VAV3: variants seen among roughly 807,000 people sequenced by gnomAD.
VAV3 encodes guanine nucleotide exchange factor VAV3.
In VAV3, 94 loss-of-function variants were observed where a neutral mutation model predicts 131.2. The ratio of observed to expected loss-of-function variants is 0.72; its 90% CI spans 0.61 to 0.85. VAV3 has a LOEUF of 0.85. VAV3 is among the 40% of genes least tolerant of loss of function. VAV3 has a pLI of 0.00. For missense variants in VAV3, 939 were observed against 1,002.7 expected (o/e 0.94, Z 0.86); for synonymous variants, 349 against 342.0 (o/e 1.02, Z -0.22).
chr1:107,720,540 G>T (rs7523636), intron 15 of VAV3, among the ~76,000 whole-genome samples: 135,648 of 150,980 alleles, frequency 0.9, 61,343 homozygotes, highest in East Asian at 1. Context: ...TAGCCAGGTG[G>T]GGTGGCGCAT....
At chr1:107,649,906 G>C (rs1457001994) in intron 19 of VAV3, among the ~76,000 whole-genome samples, 1 of 151,992 alleles carries the variant, frequency 6.6e-6, no homozygotes, top group African/African-American at 2.4e-5. Flanking sequence ...AAAAGCAAGT[G>C]AATCAATGTA....
intron 19 of VAV3, among the ~76,000 whole-genome samples, chr1:107,662,154 T>G (rs748470919): frequency 2.6e-5 from 4 of 152,182 alleles, no homozygotes; most frequent in Non-Finnish European, 5.9e-5. Flanking sequence ...TTGCTATGAT[T>G]TTTTCAGCAT....
chr1:107,821,458 C>T (rs189418249), intron 2 of VAV3, among the ~76,000 whole-genome samples: 74 of 152,302 alleles, frequency 4.9e-4, no homozygotes, highest in African/African-American at 1.7e-3. Context: ...TCTCTAAAAA[C>T]GTGTCATTTA....
chr1:107,768,502 A>G lies in VAV3; in HGVS notation c.656T>C (p.Met219Thr). The change falls in exon 7 of 27, where the codon ATG (methionine) becomes ACG (threonine). Residue 219 changes from methionine (M) to threonine (T), a missense_variant. Transcript: ENST00000370056. The stretch of plus-strand genomic sequence containing the variant: ...TGTCAGAAATCTTTTTAGTGGTGCC[A>G]TGAAATACTACCAGGAAAGAAGAAG... ...ETLESIEKYF[M>T]APLKRFLTAA... The G allele has an allele frequency of 6.2e-7, 1 of 1,611,882 alleles. No individual in the cohort carries two copies. Among genetic ancestry groups the G allele is most frequent in the Non-Finnish European group, 8.5e-7 (1 of 1,178,666 alleles).
chr1:107,635,113 T>C (rs1307502777), intron 20 of VAV3, among the ~76,000 whole-genome samples: 1 of 152,106 alleles, frequency 6.6e-6, no homozygotes, highest in Non-Finnish European at 1.5e-5. Context: ...AGCAATCCCA[T>C]TACTGGGTAT....
intron 18 of VAV3, among the ~76,000 whole-genome samples, chr1:107,686,317 T>C (rs781059989): frequency 5.9e-5 from 9 of 151,666 alleles, no homozygotes; most frequent in Non-Finnish European, 1.3e-4. Flanking sequence ...AAGTGCAAAA[T>C]TTAAAAAAAA....
In VAV3 at chr1:107,603,116, T is replaced by C. The variant is rs1249049106; in HGVS notation, c.2063A>G (p.Asn688Ser). The change falls in exon 23 of 27, where the codon AAT becomes AGT. Residue 688 changes from asparagine (N) to serine (S), a missense_variant. Coordinates refer to ENST00000370056, the MANE Select transcript of VAV3 (RefSeq NM_006113.5). Reference protein sequence around the residue: ...ERLQAETELINRVNSTYLVRH... With the variant: ...ERLQAETELISRVNSTYLVRH... The stretch of plus-strand genomic sequence containing the variant: ...CACAAGGTAAGTACTATTTACCCTA[T>C]TAATAAGTTCGGTCTCTGCTTGCAA... 10 of 1,613,676 alleles carry C rather than the reference T, an allele frequency of 6.2e-6. No individual in the cohort carries two copies. Among genetic ancestry groups the C allele is most frequent in the Non-Finnish European group, 8.5e-6 (10 of 1,179,786 alleles).
At chr1:107,631,634 C>CA (rs1214308052) in intron 20 of VAV3, among the ~76,000 whole-genome samples, 1 of 112,774 alleles carries the variant, frequency 8.9e-6, no homozygotes, top group African/African-American at 3.4e-5. Context: ...CCCCTCCCCC[C>CA]ACCCCACAAC....
chr1:107,697,370 AAAG>A (rs1346121418), intron 17 of VAV3, among the ~76,000 whole-genome samples: 3 of 152,230 alleles, frequency 2.0e-5, no homozygotes, highest in African/African-American at 4.8e-5. Flanking sequence ...AAAGAACTTA[AAAG>A]AAGGAGAGAG....
intron 21 of VAV3, among the ~76,000 whole-genome samples, chr1:107,617,282 A>AATGCGT (rs1653229654): frequency 6.6e-6 from 1 of 152,166 alleles, no homozygotes; most frequent in Non-Finnish European, 1.5e-5. Flanking sequence ...AAACCTGTAC[A>AATGCGT]ATGCGTCTAA....
At chr1:107,856,829 G>C (rs958932053) in intron 2 of VAV3, among the ~76,000 whole-genome samples, 13 of 152,164 alleles carry the variant, frequency 8.5e-5, no homozygotes, top group Admixed American at 2.6e-4. Context: ...TTGAGCACAG[G>C]AGTTCAAGAC....
At chr1:107,593,392 T>C (rs1401100512) in intron 25 of VAV3, among the ~76,000 whole-genome samples, 1 of 152,010 alleles carries the variant, frequency 6.6e-6, no homozygotes, top group Non-Finnish European at 1.5e-5. Context: ...ATAATAACAA[T>C]AATAAACAGC....
intron 2 of VAV3, among the ~76,000 whole-genome samples, chr1:107,803,363 T>C (rs1666916714): frequency 6.6e-6 from 1 of 152,050 alleles, no homozygotes; most frequent in African/African-American, 2.4e-5. Flanking sequence ...GAAGTCTTTA[T>C]ATTTTTTGAT....
At chr1:107,595,438 AAAG>A (rs1173838438) in intron 25 of VAV3, among the ~76,000 whole-genome samples, 2 of 152,094 alleles carry the variant, frequency 1.3e-5, no homozygotes, top group Admixed American at 1.3e-4. Flanking sequence ...TGCTTAGGCT[AAAG>A]ATTCTAAGAG....
intron 12 of VAV3, among the ~76,000 whole-genome samples, chr1:107,753,459 T>C (rs1156798416): frequency 6.7e-6 from 1 of 148,348 alleles, no homozygotes; most frequent in Non-Finnish European, 1.5e-5. Flanking sequence ...ATAGCATTAA[T>C]GTGTGTGTGT....
rs116301802 is a variant in VAV3 at position 107,932,318 on chromosome 1, C to T, written c.204+32348G>A. Among the ~76,000 whole-genome samples, 1,513 of 152,242 alleles carry T rather than the reference C, an allele frequency of 9.9e-3. 27 individuals are homozygous for T. Among genetic ancestry groups the T allele is most frequent in the African/African-American group, 0.034 (1,416 of 41,514 alleles). ...AGTGGTAGCTGAAGAGACTATAATT[C>T]AGTGATTTATGTAGCAGTCATGGAG... On this transcript the variant is annotated intron_variant, in intron 1 of 26. Coordinates refer to ENST00000370056, the MANE Select transcript of VAV3 (RefSeq NM_006113.5).
At chr1:107,956,941 G>C (rs1674844343) in intron 1 of VAV3, among the ~76,000 whole-genome samples, 1 of 152,134 alleles carries the variant, frequency 6.6e-6, no homozygotes, top group Non-Finnish European at 1.5e-5. Context: ...AAGTAGGAAG[G>C]AAATGAAAAC....
chr1:107,744,601 C>T (rs1473352802), intron 15 of VAV3, among the ~76,000 whole-genome samples: 1 of 152,080 alleles, frequency 6.6e-6, no homozygotes. Context: ...AAAAAACAAA[C>T]AAACATTTTT....
intron 22 of VAV3, among the ~76,000 whole-genome samples, chr1:107,606,946 T>A (rs1652321545): frequency 8.2e-6 from 1 of 122,050 alleles, no homozygotes; most frequent in Non-Finnish European, 1.6e-5. Flanking sequence ...GTCCACTGGG[T>A]AGGAGTCTGA....
Sources: gnomAD v4.1 joint callset for allele counts (sites outside exome capture counted in the v4.1 genomes callset) on GRCh38, gnomAD v4.1.1 for gene constraint, MANE v1.5 for transcripts, NCBI Gene and HGNC (gene_info 2026-07-23, HGNC 2026-07-21) for gene names.